The following RLIM variants were observed in gnomAD, a reference collection of about 807,000 sequenced individuals.
RLIM encodes ring finger protein, LIM domain interacting.
A neutral mutation model predicts 34.0 loss-of-function variants in RLIM; 2 were observed. The ratio of observed to expected loss-of-function variants is 0.06; its 90% CI spans 0.02 to 0.19. The LOEUF (loss-of-function observed/expected upper bound fraction) is 0.19. Ranked by LOEUF, RLIM falls within the 10% of genes least tolerant of loss-of-function variation. The pLI is 1.00. For missense variants in RLIM, 286 were observed against 479.7 expected (o/e 0.60, Z 3.77); for synonymous variants, 169 against 164.0 (o/e 1.03, Z -0.23).
In RLIM at chrX:74,585,860, A is replaced by G. The variant is rs1468447573; in HGVS notation, c.*5580T>C. ...TCTCTGCTTTTTTGAGTCTCTCCCGAAGGTCAGGAAGCCCTGGTATAACAA... is the reference window on the plus strand; with the variant it reads ...TCTCTGCTTTTTTGAGTCTCTCCCGGAGGTCAGGAAGCCCTGGTATAACAA... On this transcript the variant is annotated 3_prime_UTR_variant, in exon 4 of 4. Coordinates refer to ENST00000332687, the MANE Select transcript of RLIM (RefSeq NM_016120.4). The G allele has an allele frequency of 8.9e-6, 1 of 111,914 alleles. No individual in the cohort carries two copies. Among genetic ancestry groups the G allele is most frequent in the Non-Finnish European group, 1.9e-5 (1 of 53,222 alleles). The allele number at this position is 111,914 out of a possible 1,213,427, so 9.2% of individuals were successfully genotyped here. A position where few individuals can be genotyped will look rare whatever the true frequency, so the allele number is the denominator to read the frequency against.
rs201582522 is a variant in RLIM, at chrX:74,592,881, C to T, written c.434G>A (p.Arg145His). 1.2e-5 allele frequency: 15 copies of T among 1,209,857 alleles called. No homozygotes were observed. Among genetic ancestry groups the T allele is most frequent in the East Asian group, 5.9e-5 (2 of 33,790 alleles). ...CTCTGAATTTTGGCTCCCATTATTA[C>T]GGTTAACATTTATCTCTAAACTGAA... ...FRFSLEINVN[R>H]NNGSQNSENE... The change falls in exon 4 of 4, where the codon CGT becomes CAT. Residue 145 changes from arginine to histidine, a missense_variant. Transcript: ENST00000332687.
chrX:74,609,052 G>A (rs2147382367), intron 1 of RLIM, among the ~76,000 whole-genome samples: 1 of 111,797 alleles, frequency 8.9e-6, no homozygotes, highest in Non-Finnish European at 1.9e-5. Flanking sequence ...AACCCAAGGA[G>A]TGCATGTGTT....
Position 74,587,232 on chromosome X carries a change from A to C in RLIM, c.*4208T>G. 1 of 112,329 alleles carries C rather than the reference A, an allele frequency of 8.9e-6. No homozygotes were observed. Among genetic ancestry groups the C allele is most frequent in the Middle Eastern group, 4.6e-3 (1 of 216 alleles). 9.3% of individuals were successfully genotyped at this position (112,329 alleles called of 1,213,427 possible). A position where few individuals can be genotyped will look rare whatever the true frequency, so the allele number is the denominator to read the frequency against. On this transcript the variant is annotated 3_prime_UTR_variant, in exon 4 of 4. Transcript: ENST00000332687. ...CACAATTTACTAGTTAACTCAATGA[A>C]TTACAATACTGTTATTGAATATAAA...
intron 2 of RLIM, 95 bp from the exon 3 acceptor site, chrX:74,594,484 G>T: frequency 1.8e-6 from 1 of 542,103 alleles, no homozygotes; most frequent in Non-Finnish European, 2.7e-6. Flanking sequence ...AAGATGATTA[G>T]AAAAAAAATC....
In RLIM at chrX:74,592,216, A is replaced by T; in HGVS notation, c.1099T>A (p.Phe367Ile). The T allele has an allele frequency of 3.3e-6, 4 of 1,211,934 alleles. No homozygotes were observed. The highest frequency in any genetic ancestry group is 4.5e-6 in the Non-Finnish European group (4 of 895,573). ...ESERGGFRRTFSRSERAGVRT... is the reference protein window; with the variant it reads ...ESERGGFRRTISRSERAGVRT... ...ACACCTGCCCGCTCAGAACGTGAAA[A>T]TGTACGCCTAAAACCTCCTCGTTCA... is the stretch of plus-strand genomic sequence containing the variant. Residue 367 changes from phenylalanine to isoleucine, a missense_variant, in exon 4 of 4, where the codon TTT becomes ATT. Phe to Ile is a conservative substitution (Grantham distance 21). Coordinates refer to ENST00000332687, the MANE Select transcript of RLIM (RefSeq NM_016120.4).
chrX:74,591,248 G>A lies in RLIM; in HGVS notation c.*192C>T. ...AAATCAGATTTTTAGGTCCTATAAC[G>A]TGGCTTTTAAAATATTTCCTTTTAT... On this transcript the variant is annotated 3_prime_UTR_variant, in exon 4 of 4. Coordinates refer to ENST00000332687, the MANE Select transcript of RLIM (RefSeq NM_016120.4). 7.1e-6 allele frequency: 3 copies of A among 420,732 alleles called. No individual in the cohort carries two copies. The highest frequency in any genetic ancestry group is 8.2e-6 in the Non-Finnish European group (2 of 244,049). 34.7% of individuals were successfully genotyped at this position (420,732 alleles called of 1,213,427 possible).
Position 74,586,135 on chromosome X carries a change from T to C in RLIM, c.*5305A>G, listed in dbSNP as rs2147368598. 1 of 112,178 alleles carries C rather than the reference T, an allele frequency of 8.9e-6. No homozygotes were observed. The highest frequency in any genetic ancestry group is 2.8e-4 in the East Asian group (1 of 3,579). 9.2% of individuals were successfully genotyped at this position (112,178 alleles called of 1,213,427 possible). On this transcript the variant is annotated 3_prime_UTR_variant, in exon 4 of 4. Transcript: ENST00000332687. ...CTGCGTACCTACTCAACTTGATACCTGATCACATGGCCCTACATCCTTAAA... is the reference window on the plus strand; with the variant it reads ...CTGCGTACCTACTCAACTTGATACCCGATCACATGGCCCTACATCCTTAAA...
In RLIM at chrX:74,592,834, T is replaced by C. The variant is rs1158435454; in HGVS notation, c.481A>G (p.Arg161Gly). 1 of 1,210,289 alleles carries C rather than the reference T, an allele frequency of 8.3e-7. No individual in the cohort carries two copies. The highest frequency in any genetic ancestry group is 1.1e-6 in the Non-Finnish European group (1 of 895,043). ...NSENENEPSA[R>G]RSSGENVENN... ...TCCACATTTTCTCCACTAGAACGTC[T>C]TGCAGATGGCTCATTTTCATTCTCT... Residue 161 changes from arginine (R) to glycine (G), a missense_variant, in exon 4 of 4, where the codon AGA (arginine) becomes GGA (glycine). By Grantham distance (125) the Arg-to-Gly change is moderately radical. This residue lies in a region of RLIM where 121 missense variants were observed against 182.4 expected (regional missense o/e 0.66). Transcript: ENST00000332687.
At chrX:74,598,778 C>CA (rs36109028) in intron 1 of RLIM, among the ~76,000 whole-genome samples, 1,052 of 65,805 alleles carry the variant, frequency 0.016, 20 homozygotes, top group South Asian at 0.13. Flanking sequence ...GACTCTGTTT[C>CA]AAAAAAAAAA....
At chrX:74,609,657 G>A (rs1022430653) in intron 1 of RLIM, among the ~76,000 whole-genome samples, 8 of 109,961 alleles carry the variant, frequency 7.3e-5, no homozygotes, top group Non-Finnish European at 9.5e-5. Flanking sequence ...CATGAAGAGG[G>A]TGACAATATA....
chrX:74,583,242 A>G lies in RLIM; in HGVS notation c.*8198T>C. On this transcript the variant is annotated 3_prime_UTR_variant, in exon 4 of 4. Transcript: ENST00000332687. ...AAGAAGTTCTGAATTATCAATCTCC[A>G]ACAACACGCCAGTGATTTTACCGGC... The G allele has an allele frequency of 1.0e-6, 1 of 999,483 alleles. No homozygotes were observed. The highest frequency in any genetic ancestry group is 1.9e-5 in the South Asian group (1 of 52,636). 82.4% of individuals were successfully genotyped at this position (999,483 alleles called of 1,213,427 possible).
intron 1 of RLIM, chrX:74,612,602 T>C (rs190451175): frequency 1.8e-5 from 2 of 111,606 alleles, no homozygotes; most frequent in East Asian, 2.8e-4. Flanking sequence ...TGACATAGTA[T>C]TGAAATACAA....
rs1189280057 is a variant in RLIM at position 74,594,311 on chromosome X, T to C, written c.248A>G (p.Asn83Ser). The change falls in exon 3 of 4, where the codon AAT becomes AGT. Residue 83 changes from asparagine (N) to serine (S), a missense_variant. By Grantham distance (46) the Asn-to-Ser change is conservative. Coordinates refer to ENST00000332687, the MANE Select transcript of RLIM (RefSeq NM_016120.4). ...CCACCAAAACCAAAACATACCTCTA[T>C]TTTCATCTGAGTTTTGCGGTGGTGG... ...EGPPPQNSDE[N>S]RGGDSSDDVS... 1 of 1,204,357 alleles carries C rather than the reference T, an allele frequency of 8.3e-7. No individual in the cohort carries two copies. Among genetic ancestry groups the C allele is most frequent in the African/African-American group, 1.7e-5 (1 of 57,302 alleles).
chrX:74,607,558 A>C (rs1018038193), intron 1 of RLIM, among the ~76,000 whole-genome samples: 3 of 112,581 alleles, frequency 2.7e-5, no homozygotes, highest in Non-Finnish European at 5.6e-5. Context: ...AAAATACAAA[A>C]ATTTGCCAGG....
In RLIM at chrX:74,583,335, G is replaced by C; in HGVS notation, c.*8105C>G. On this transcript the variant is annotated 3_prime_UTR_variant, in exon 4 of 4. Transcript: ENST00000332687. ...ACCCAACATTTGCTTTTGCTCTTGA[G>C]GGGCAGATGCCAACATGGAAACAGT... The C allele has an allele frequency of 3.3e-6, 3 of 921,193 alleles. No homozygotes were observed. Among genetic ancestry groups the C allele is most frequent in the Non-Finnish European group, 4.8e-6 (3 of 629,134 alleles). 75.9% of individuals were successfully genotyped at this position (921,193 alleles called of 1,213,427 possible).
intron 1 of RLIM, among the ~76,000 whole-genome samples, chrX:74,609,170 A>G (rs1219906390): frequency 9.0e-6 from 1 of 111,580 alleles, no homozygotes; most frequent in Non-Finnish European, 1.9e-5. Context: ...TCAGGTTTTT[A>G]AAGATTGAAG....
chrX:74,598,349 G>A (rs1184813668), intron 1 of RLIM, among the ~76,000 whole-genome samples: 3 of 111,592 alleles, frequency 2.7e-5, no homozygotes, highest in Non-Finnish European at 5.7e-5. Flanking sequence ...TCATCTGGCT[G>A]GGGTGTGGTG....
chrX:74,585,425 C>A lies in RLIM; in HGVS notation c.*6015G>T, dbSNP rs1203704346. On this transcript the variant is annotated 3_prime_UTR_variant, in exon 4 of 4. Coordinates refer to ENST00000332687, the MANE Select transcript of RLIM (RefSeq NM_016120.4). Reference sequence around the variant, plus strand: ...TCTATTTGACATTGGTTTGAAGCAACAGAACCTTTATAGCAGATTCCCCTT... The same window carrying A: ...TCTATTTGACATTGGTTTGAAGCAAAAGAACCTTTATAGCAGATTCCCCTT... 5 of 111,638 alleles carry A rather than the reference C, an allele frequency of 4.5e-5. No individual in the cohort carries two copies. Among genetic ancestry groups the A allele is most frequent in the East Asian group, 2.8e-4 (1 of 3,572 alleles). The allele number at this position is 111,638 out of a possible 1,213,427, so 9.2% of individuals were successfully genotyped here.
chrX:74,595,691 C>T (rs2079636561), intron 2 of RLIM, 118 bp downstream of exon 2: 2 of 465,186 alleles, frequency 4.3e-6, no homozygotes, highest in Non-Finnish European at 7.1e-6. Context: ...ATTCCATATC[C>T]CCTATGTTAA....
Sources: gnomAD v4.1 joint callset for allele counts (sites outside exome capture counted in the v4.1 genomes callset) on GRCh38, gnomAD v4.1.1 for gene constraint, gnomAD v4.1.1 regional missense constraint, MANE v1.5 for transcripts, NCBI Gene and HGNC (gene_info 2026-07-23, HGNC 2026-07-21) for gene names.